WDPCP: variants seen among roughly 807,000 people sequenced by gnomAD.
The protein encoded by WDPCP is WD repeat-containing and planar cell polarity effector protein fritz homolog.
In WDPCP, 71 loss-of-function variants were observed where a neutral mutation model predicts 93.1. The ratio of observed to expected loss-of-function variants is 0.76; its 90% CI spans 0.63 to 0.93. The LOEUF (loss-of-function observed/expected upper bound fraction) is 0.93, where lower values mean the gene tolerates loss of function less well. Among genes scored for constraint, WDPCP ranks in the 40% least tolerant of loss-of-function variants. The pLI, the probability that WDPCP is intolerant of heterozygous loss-of-function variation, is 0.00. For missense variants in WDPCP, 844 were observed against 887.4 expected (o/e 0.95, Z 0.62); for synonymous variants, 315 against 315.0 (o/e 1.00, Z 0.00).
chr2:63,561,455 C>A (rs1319304008), intron 1 of WDPCP, among the ~76,000 whole-genome samples: 4 of 150,462 alleles, frequency 2.7e-5, no homozygotes, highest in African/African-American at 9.8e-5. Context: ...TCCAGCCTGG[C>A]AACAGAGCCA....
At position 63,281,780 on chromosome 2, in the gene WDPCP, C is replaced by T. The variant is rs563693493; in HGVS notation, c.1813-22371G>A. On this transcript the variant is annotated intron_variant, in intron 13 of 17. Coordinates refer to ENST00000272321, the MANE Select transcript of WDPCP (RefSeq NM_015910.7). Reference sequence around the variant, plus strand: ...ACAAGTGGGAGCTAAGCTATGACGACACAATATTGTAAGAATGATACAATG... The same window carrying T: ...ACAAGTGGGAGCTAAGCTATGACGATACAATATTGTAAGAATGATACAATG... Among the ~76,000 whole-genome samples, 69 of 152,150 alleles carry T rather than the reference C, an allele frequency of 4.5e-4. No individual in the cohort carries two copies. In the South Asian group the frequency reaches 0.013, roughly 29 times the overall value.
chr2:63,365,833 T>C (rs1296036318), intron 12 of WDPCP, among the ~76,000 whole-genome samples: 1 of 152,192 alleles, frequency 6.6e-6, no homozygotes, highest in Non-Finnish European at 1.5e-5. Flanking sequence ...AGCCAAGCTA[T>C]GGTTGTAAAT....
chr2:63,576,598 C>T (rs968808626), intron 1 of WDPCP, among the ~76,000 whole-genome samples: 1 of 152,190 alleles, frequency 6.6e-6, no homozygotes, highest in Non-Finnish European at 1.5e-5. Context: ...TTTATGTAGG[C>T]ATGATTGATT....
chr2:63,271,977 CA>C (rs1205077002), intron 13 of WDPCP, among the ~76,000 whole-genome samples: 1 of 152,046 alleles, frequency 6.6e-6, no homozygotes, highest in Non-Finnish European at 1.5e-5. Context: ...CCCAAGGACC[CA>C]CCCACCCACC....
chr2:63,492,475 CTT>C (rs900021465), intron 2 of WDPCP, among the ~76,000 whole-genome samples: 1 of 147,350 alleles, frequency 6.8e-6, no homozygotes, highest in South Asian at 2.2e-4. Flanking sequence ...GAATATGTAT[CTT>C]TTTTTTTTAC....
At chr2:63,470,131 G>C (rs1172933625) in intron 6 of WDPCP, among the ~76,000 whole-genome samples, 1 of 152,044 alleles carries the variant, frequency 6.6e-6, no homozygotes, top group Non-Finnish European at 1.5e-5. Context: ...ATCTTAAAAT[G>C]TTAGTGGACT....
At chr2:63,496,467 TAC>T (rs1247245103) in intron 1 of WDPCP, among the ~76,000 whole-genome samples, 1 of 152,118 alleles carries the variant, frequency 6.6e-6, no homozygotes, top group Non-Finnish European at 1.5e-5. Flanking sequence ...AATCAAAAAT[TAC>T]AGTGTTTCAA....
chr2:63,427,475 A>C (rs945527262), intron 9 of WDPCP, among the ~76,000 whole-genome samples: 1 of 152,196 alleles, frequency 6.6e-6, no homozygotes, highest in African/African-American at 2.4e-5. Flanking sequence ...TAAACAACTT[A>C]CTCCTGAATG....
chr2:63,549,247 CAAAAAAAA>C (rs60864094), intron 1 of WDPCP, among the ~76,000 whole-genome samples: 91 of 87,648 alleles, frequency 1.0e-3, no homozygotes, highest in Non-Finnish European at 1.8e-3. Flanking sequence ...GAGACTGTCT[CAAAAAAAA>C]AAAAAAAAAA....
chr2:63,670,476 T>G (rs1266986782), intron 2 of WDPCP, among the ~76,000 whole-genome samples: 2 of 152,150 alleles, frequency 1.3e-5, no homozygotes, highest in African/African-American at 4.8e-5. Context: ...AAAGGTGGCT[T>G]CTAGATTTTT....
chr2:63,753,136 TACCTGAG>T (rs1352981747), intron 2 of WDPCP, among the ~76,000 whole-genome samples: 1 of 152,102 alleles, frequency 6.6e-6, no homozygotes, highest in Non-Finnish European at 1.5e-5. Flanking sequence ...TATGAAGAAA[TACCTGAG>T]ACTAGGGGCT....
At chr2:63,441,677 GA>G (rs1041538951) in intron 6 of WDPCP, 2 of 151,664 alleles carry the variant, frequency 1.3e-5, no homozygotes, top group African/African-American at 4.8e-5. Context: ...ATTTTCATAT[GA>G]CATGGATGTT....
chr2:63,597,966 G>A (rs537971299), intron 3 of WDPCP: 1 of 153,444 alleles, frequency 6.5e-6, no homozygotes, highest in East Asian at 1.9e-4. Context: ...AGAAGATAGT[G>A]GTTTCTGAAT....
intron 2 of WDPCP, among the ~76,000 whole-genome samples, chr2:63,689,732 A>C (rs2103664610): frequency 6.6e-6 from 1 of 152,344 alleles, no homozygotes; most frequent in South Asian, 2.1e-4. Context: ...ATTTCTTCAG[A>C]TATAAGATCT....
chr2:63,701,676 G>T (rs985956697), intron 2 of WDPCP, among the ~76,000 whole-genome samples: 2 of 152,152 alleles, frequency 1.3e-5, no homozygotes, highest in African/African-American at 4.8e-5. Flanking sequence ...CCATAAGAAA[G>T]AATGAAATCC....
chr2:63,331,466 G>A (rs1020689914), intron 12 of WDPCP, among the ~76,000 whole-genome samples: 4 of 152,152 alleles, frequency 2.6e-5, no homozygotes, highest in East Asian at 1.9e-4. Flanking sequence ...CTTTCAGTAC[G>A]TACATTCAAG....
At chr2:63,751,659 T>G in intron 2 of WDPCP, 1 of 487,634 alleles carries the variant, frequency 2.1e-6, no homozygotes, top group Non-Finnish European at 4.0e-6. Flanking sequence ...TCTGGCTCTC[T>G]TCTCCTGCTA....
chr2:63,175,810 A>C (rs1033407118), intron 14 of WDPCP, among the ~76,000 whole-genome samples: 1 of 152,154 alleles, frequency 6.6e-6, no homozygotes, highest in African/African-American at 2.4e-5. Flanking sequence ...TGTATATACC[A>C]TGCTTTGTTT....
chr2:63,501,583 T>G lies in WDPCP; in HGVS notation c.76-8643A>C, dbSNP rs528266590. ...CAAGTTTCAAAAAAACAAAAAACTT[T>G]TAAATGCATTAGGCCTCTGTCTGGT... On this transcript the variant is annotated intron_variant, in intron 1 of 17. Transcript: ENST00000272321. Among the ~76,000 whole-genome samples, 316 of 152,216 alleles carry G rather than the reference T, an allele frequency of 2.1e-3. 1 individual carries two copies. The highest frequency in any genetic ancestry group is 1.6e-3 in the Non-Finnish European group (109 of 68,000).
Sources: gnomAD v4.1 joint callset for allele counts (sites outside exome capture counted in the v4.1 genomes callset) on GRCh38, gnomAD v4.1.1 for gene constraint, MANE v1.5 for transcripts, NCBI Gene and HGNC (gene_info 2026-07-23, HGNC 2026-07-21) for gene names.